The following TSPAN15 variants were observed in gnomAD, a reference collection of about 807,000 sequenced individuals.
TSPAN15 encodes the protein tetraspanin 15.
A neutral mutation model predicts 34.5 loss-of-function variants in TSPAN15; 20 were observed. That is an observed-to-expected ratio of 0.58 (90% CI 0.41 to 0.84). The LOEUF (loss-of-function observed/expected upper bound fraction) is 0.84, where lower values mean the gene tolerates loss of function less well. Ranked by LOEUF, TSPAN15 falls within the 40% of genes least tolerant of loss-of-function variation. TSPAN15 has a pLI of 0.00. For synonymous variants in TSPAN15, 155 were observed against 153.9 expected (o/e 1.01, Z -0.05); for missense variants, 313 against 386.1 (o/e 0.81, Z 1.59).
Position 69,507,477 on chromosome 10 carries a change from G to T in TSPAN15, c.*499G>T. On this transcript the variant is annotated 3_prime_UTR_variant, in exon 8 of 8. Coordinates refer to ENST00000373290, the MANE Select transcript of TSPAN15 (RefSeq NM_012339.5). Reference sequence around the variant, plus strand: ...CTTCTCAGCCTCCCAGGTGCCTTGAGCCCTCTTGCAAGGGCGGCTGCTTCC... The same window carrying T: ...CTTCTCAGCCTCCCAGGTGCCTTGATCCCTCTTGCAAGGGCGGCTGCTTCC... 7.7e-7 allele frequency: 1 copy of T among 1,303,870 alleles called. No homozygotes were observed. The highest frequency in any genetic ancestry group is 1.0e-6 in the Non-Finnish European group (1 of 989,272). 80.8% of individuals were successfully genotyped at this position (1,303,870 alleles called of 1,614,324 possible). A position where few individuals can be genotyped will look rare whatever the true frequency, so the allele number is the denominator to read the frequency against.
intron 1 of TSPAN15, among the ~76,000 whole-genome samples, chr10:69,479,605 C>T (rs970117397): frequency 9.9e-5 from 15 of 152,212 alleles, no homozygotes; most frequent in Admixed American, 3.3e-4. Flanking sequence ...GCTGAGTGGC[C>T]GGCTGCCTAG....
At chr10:69,479,482 C>T (rs1183955401) in intron 1 of TSPAN15, among the ~76,000 whole-genome samples, 4 of 152,232 alleles carry the variant, frequency 2.6e-5, no homozygotes, top group East Asian at 1.9e-4. Flanking sequence ...GCCAGCAGCA[C>T]GCACTTTCCC....
At chr10:69,459,105 C>CAAAA (rs1259881929) in intron 1 of TSPAN15, among the ~76,000 whole-genome samples, 17 of 57,526 alleles carry the variant, frequency 3.0e-4, no homozygotes, top group South Asian at 5.8e-4. Context: ...ACAAAACAGA[C>CAAAA]AAAAAAAAAA....
chr10:69,466,094 T>A (rs1841378367), intron 1 of TSPAN15, among the ~76,000 whole-genome samples: 1 of 152,196 alleles, frequency 6.6e-6, no homozygotes, highest in Non-Finnish European at 1.5e-5. Context: ...TCCCACTGGC[T>A]CTCTGGAGCT....
intron 1 of TSPAN15, among the ~76,000 whole-genome samples, chr10:69,455,560 T>A (rs944109872): frequency 5.5e-5 from 7 of 126,664 alleles, no homozygotes; most frequent in Non-Finnish European, 1.2e-4. Flanking sequence ...TCTCTCTCTC[T>A]TTCTTTCTTT....
At chr10:69,492,860 C>A (rs1020568869) in intron 3 of TSPAN15, among the ~76,000 whole-genome samples, 2 of 152,150 alleles carry the variant, frequency 1.3e-5, no homozygotes, top group East Asian at 3.9e-4. Flanking sequence ...GGCCAGTGGG[C>A]CCGGGTAGGT....
chr10:69,484,508 A>G (rs1337975121), intron 2 of TSPAN15, among the ~76,000 whole-genome samples: 1 of 152,214 alleles, frequency 6.6e-6, no homozygotes, highest in African/African-American at 2.4e-5. Flanking sequence ...GGTAGTGAGT[A>G]GGCAGATCCA....
At chr10:69,548,155 G>A in the TSPAN15 span, among the ~76,000 whole-genome samples, 3 of 152,080 alleles carry the variant, frequency 2.0e-5, no homozygotes, top group East Asian at 5.8e-4. Context: ...AGAAAGGGGG[G>A]AAAGGATCGG....
chr10:69,500,239 G>T (rs1842176494), intron 5 of TSPAN15, among the ~76,000 whole-genome samples: 2 of 152,302 alleles, frequency 1.3e-5, no homozygotes, highest in South Asian at 4.1e-4. Context: ...GCTCAGTTCG[G>T]CTGGAGGCCT....
the TSPAN15 span, among the ~76,000 whole-genome samples, chr10:69,519,031 G>A: frequency 0.012 from 1,859 of 152,342 alleles, 52 homozygotes; most frequent in African/African-American, 0.042. Flanking sequence ...ATGCTTCTGC[G>A]TGGAATAGTA....
chr10:69,536,457 G>C, the TSPAN15 span, among the ~76,000 whole-genome samples: 1 of 152,224 alleles, frequency 6.6e-6, no homozygotes, highest in African/African-American at 2.4e-5. Flanking sequence ...GGGGTAAAGA[G>C]ATGGTACAGT....
chr10:69,520,638 A>C, the TSPAN15 span, among the ~76,000 whole-genome samples: 2 of 152,272 alleles, frequency 1.3e-5, no homozygotes, highest in Admixed American at 1.3e-4. Context: ...CCTGGGCGAC[A>C]GAGCAAGACC....
intron 1 of TSPAN15, among the ~76,000 whole-genome samples, chr10:69,478,488 G>C (rs185680926): frequency 5.3e-5 from 8 of 152,114 alleles, no homozygotes; most frequent in Admixed American, 5.2e-4. Flanking sequence ...CTCTGGCAGG[G>C]GGCTCATCCT....
chr10:69,536,530 C>T, the TSPAN15 span, among the ~76,000 whole-genome samples: 1 of 152,138 alleles, frequency 6.6e-6, no homozygotes, highest in Non-Finnish European at 1.5e-5. Context: ...AAACAACAAA[C>T]GTTTATTTTC....
chr10:69,528,582 G>A, the TSPAN15 span, among the ~76,000 whole-genome samples: 2 of 148,616 alleles, frequency 1.3e-5, no homozygotes, highest in Non-Finnish European at 3.0e-5. Context: ...CCACCATTCA[G>A]TGGCTTTCAA....
At chr10:69,467,126 G>T (rs1292744387) in intron 1 of TSPAN15, among the ~76,000 whole-genome samples, 2 of 152,184 alleles carry the variant, frequency 1.3e-5, no homozygotes, top group African/African-American at 4.8e-5. Context: ...GAGGAGAAAA[G>T]GATTTAAGGT....
chr10:69,495,352 T>G, intron 3 of TSPAN15: 1 of 483,386 alleles, frequency 2.1e-6, no homozygotes, highest in Non-Finnish European at 3.8e-6. Context: ...GTGGAGTGAA[T>G]TACTCCTGCT....
chr10:69,484,204 G>A (rs1195896706), intron 2 of TSPAN15: 2 of 225,542 alleles, frequency 8.9e-6, no homozygotes, highest in Non-Finnish European at 1.8e-5. Context: ...CATGCAACCA[G>A]CAAACCCACA....
chr10:69,521,371 G>A, the TSPAN15 span, among the ~76,000 whole-genome samples: 5 of 147,298 alleles, frequency 3.4e-5, 1 homozygote, highest in Admixed American at 1.4e-4. Context: ...TTAGCCAGGT[G>A]TGGTGGTGCA....
Sources: gnomAD v4.1 joint callset for allele counts (sites outside exome capture counted in the v4.1 genomes callset) on GRCh38, gnomAD v4.1.1 for gene constraint, MANE v1.5 for transcripts, NCBI Gene and HGNC (gene_info 2026-07-23, HGNC 2026-07-21) for gene names.